Variants in TBC1D1 observed in about 807,000 individuals in gnomAD.
The protein encoded by TBC1D1 is TBC1 (tre-2/USP6, BUB2, cdc16) domain family, member 1.
TBC1D1 carries 89 observed loss-of-function variants against 125.6 expected under a neutral mutation model. The observed-to-expected ratio is 0.71, with a 90% CI of 0.60 to 0.85. TBC1D1 has a LOEUF of 0.85. Among genes scored for constraint, TBC1D1 ranks in the 40% least tolerant of loss-of-function variants. TBC1D1 has a pLI of 0.00. For missense variants in TBC1D1, 1,377 were observed against 1,469.2 expected (o/e 0.94, Z 1.03); for synonymous variants, 565 against 564.1 (o/e 1.00, Z -0.02).
intron 2 of TBC1D1, among the ~76,000 whole-genome samples, chr4:37,917,256 G>A (rs374783486): frequency 2.7e-5 from 4 of 150,750 alleles, no homozygotes; most frequent in East Asian, 2.0e-4. Context: ...GGTGGATCAC[G>A]TGAGGTCAGG....
chr4:37,895,612 A>G (rs7668982), intron 1 of TBC1D1, among the ~76,000 whole-genome samples: 42,047 of 152,030 alleles, frequency 0.28, 6,059 homozygotes, highest in East Asian at 0.36. Context: ...GCTGAGGCAG[A>G]AGAATTGTTT....
intron 3 of TBC1D1, among the ~76,000 whole-genome samples, chr4:38,017,681 C>T (rs7671645): frequency 0.2 from 31,023 of 152,010 alleles, 3,404 homozygotes; most frequent in East Asian, 0.44. Flanking sequence ...ACTTCTTGGT[C>T]CTGAGGAGAA....
chr4:37,985,585 C>G (rs1355954662), intron 2 of TBC1D1, among the ~76,000 whole-genome samples: 1 of 152,128 alleles, frequency 6.6e-6, no homozygotes, highest in Non-Finnish European at 1.5e-5. Context: ...TTGTATTTAT[C>G]TTTTTAAAAA....
intron 12 of TBC1D1, among the ~76,000 whole-genome samples, chr4:38,067,902 C>T (rs1158325991): frequency 1.3e-5 from 2 of 152,166 alleles, no homozygotes; most frequent in Non-Finnish European, 2.9e-5. Context: ...TCACATTTTC[C>T]AGGCTTTCAC....
At chr4:38,067,871 G>A (rs1184471974) in intron 12 of TBC1D1, among the ~76,000 whole-genome samples, 1 of 152,170 alleles carries the variant, frequency 6.6e-6, no homozygotes, top group African/African-American at 2.4e-5. Context: ...CCATGGCCCA[G>A]GTTTCTCTGT....
At chr4:37,955,852 C>G (rs990738146) in intron 2 of TBC1D1, among the ~76,000 whole-genome samples, 2 of 152,034 alleles carry the variant, frequency 1.3e-5, no homozygotes, top group Admixed American at 6.6e-5. Flanking sequence ...TACATATTGT[C>G]AGGGCTGGCC....
intron 2 of TBC1D1, among the ~76,000 whole-genome samples, chr4:37,922,041 T>G (rs1317359304): frequency 2.0e-5 from 3 of 152,194 alleles, no homozygotes; most frequent in Non-Finnish European, 4.4e-5. Flanking sequence ...CCAGCCTCTT[T>G]TCCTGTTTTT....
chr4:38,001,612 C>G (rs995631883), intron 2 of TBC1D1, among the ~76,000 whole-genome samples: 3 of 152,216 alleles, frequency 2.0e-5, no homozygotes, highest in African/African-American at 7.2e-5. Context: ...AGCATAAACT[C>G]AGGTACAGTT....
At chr4:38,110,811 C>G in intron 15 of TBC1D1, 1 of 985,452 alleles carries the variant, frequency 1.0e-6, no homozygotes. Flanking sequence ...ACAGTTTTAC[C>G]CAGCTTCCCT....
intron 1 of TBC1D1, among the ~76,000 whole-genome samples, chr4:37,896,056 A>G (rs1335630198): frequency 6.6e-6 from 1 of 152,220 alleles, no homozygotes; most frequent in African/African-American, 2.4e-5. Context: ...CGTAAAGAAC[A>G]GAGAAATTAA....
chr4:37,941,536 T>C (rs751708385), intron 2 of TBC1D1, among the ~76,000 whole-genome samples: 20 of 152,224 alleles, frequency 1.3e-4, no homozygotes, highest in Non-Finnish European at 2.5e-4. Flanking sequence ...AGTTCTGTTC[T>C]GATCTTAGTT....
Position 38,139,140 on chromosome 4 carries a change from A to G in TBC1D1, c.*1805A>G, listed in dbSNP as rs1363329655. 1 of 152,582 alleles carries G rather than the reference A, an allele frequency of 6.6e-6. No homozygotes were observed. Among genetic ancestry groups the G allele is most frequent in the Non-Finnish European group, 1.5e-5 (1 of 68,024 alleles). The allele number at this position is 152,582 out of a possible 1,614,324, so 9.5% of individuals were successfully genotyped here. A position where few individuals can be genotyped will look rare whatever the true frequency, so the allele number is the denominator to read the frequency against. On this transcript the variant is annotated 3_prime_UTR_variant, in exon 20 of 20. Coordinates refer to ENST00000261439, the MANE Select transcript of TBC1D1 (RefSeq NM_015173.4). ...GACTCTGCATCAAGAAAGAAACAAG[A>G]AAGCAATAAAACAAGAAATAATTCA...
rs1733352383 is a variant in TBC1D1, at chr4:37,977,333, G to C, written c.418-37176G>C. The C allele has an allele frequency of 5.6e-6, 1 of 177,334 alleles. No individual in the cohort carries two copies. Among genetic ancestry groups the C allele is most frequent in the Non-Finnish European group, 1.1e-5 (1 of 93,694 alleles). The allele number at this position is 177,334 out of a possible 1,614,324, so 11.0% of individuals were successfully genotyped here. A position where few individuals can be genotyped will look rare whatever the true frequency, so the allele number is the denominator to read the frequency against. On this transcript the variant is annotated intron_variant, in intron 2 of 19. Coordinates refer to ENST00000261439, the MANE Select transcript of TBC1D1 (RefSeq NM_015173.4). This position sits in a 1 kb window ranked among gnomAD's most constrained non-coding sequence, Gnocchi z 4.3. ...CCGCCCCGCGGGCGCGACCTCTCGG[G>C]GCAGTGACGAACTGGGTGGAGCCCG... is the stretch of plus-strand genomic sequence containing the variant.
chr4:37,899,952 G>C (rs539348891), intron 1 of TBC1D1, among the ~76,000 whole-genome samples: 5 of 150,832 alleles, frequency 3.3e-5, no homozygotes, highest in Non-Finnish European at 3.0e-5. Context: ...AACCCCGTCT[G>C]TACTAAAGAT....
chr4:38,019,452 A>G (rs969597206), intron 4 of TBC1D1, among the ~76,000 whole-genome samples: 1 of 152,170 alleles, frequency 6.6e-6, no homozygotes, highest in Admixed American at 6.5e-5. Flanking sequence ...ATTGGAAAAT[A>G]TTTGGCCTGA....
At chr4:38,021,897 A>C (rs925461583) in intron 6 of TBC1D1, among the ~76,000 whole-genome samples, 179 bp downstream of exon 6, 1 of 152,220 alleles carries the variant, frequency 6.6e-6, no homozygotes, top group Non-Finnish European at 1.5e-5. Context: ...ATTGTGCCGG[A>C]TGCTGGTGAT....
intron 2 of TBC1D1, chr4:38,006,748 G>A (rs1740348113): frequency 4.8e-6 from 2 of 419,064 alleles, no homozygotes; most frequent in Non-Finnish European, 4.7e-6. Context: ...CAAAGTGCTG[G>A]GATTACAGGC....
intron 19 of TBC1D1, among the ~76,000 whole-genome samples, chr4:38,135,864 GTATATATA>G (rs3038258): frequency 4.0e-5 from 6 of 149,796 alleles, no homozygotes; most frequent in African/African-American, 1.5e-4. Flanking sequence ...ATGTGTGTGT[GTATATATA>G]TGTGTGTGTG....
Position 38,137,509 on chromosome 4 carries a change from C to T in TBC1D1, c.*174C>T. On this transcript the variant is annotated 3_prime_UTR_variant, in exon 20 of 20. Transcript: ENST00000261439. ...CAACTTGCAATTCAGGGGGCATGTC[C>T]CAGTGTTTTTTTTGTTGTTTTTAGA... 2 of 948,572 alleles carry T rather than the reference C, an allele frequency of 2.1e-6. No individual in the cohort carries two copies. Among genetic ancestry groups the T allele is most frequent in the Non-Finnish European group, 2.8e-6 (2 of 713,170 alleles). The allele number at this position is 948,572 out of a possible 1,614,324, so 58.8% of individuals were successfully genotyped here.
Sources: allele counts gnomAD v4.1 joint callset (sites outside exome capture counted in the v4.1 genomes callset), GRCh38; gene constraint gnomAD v4.1.1; non-coding constraint Gnocchi (gnomAD v3.1); transcripts MANE v1.5; gene names NCBI Gene and HGNC (gene_info 2026-07-23, HGNC 2026-07-21).